MINDY4B: variants seen among roughly 807,000 people sequenced by gnomAD.
The protein encoded by MINDY4B is MINDY family member 4B, also known as inactive ubiquitin carboxyl-terminal hydrolase MINDY-4B.
In MINDY4B, 25 loss-of-function variants were observed where a neutral mutation model predicts 16.7. The ratio of observed to expected loss-of-function variants is 1.49; its 90% CI spans 1.09 to 2.09. The LOEUF (loss-of-function observed/expected upper bound fraction) is 2.09, where lower values mean the gene tolerates loss of function less well. MINDY4B is among the 30% of genes most tolerant of loss of function. MINDY4B has a pLI of 0.00. For missense variants in MINDY4B, 327 were observed against 168.4 expected (o/e 1.94, Z -5.21); for synonymous variants, 132 against 61.9 (o/e 2.13, Z -5.32).
Position 150,891,008 on chromosome 3 carries a change from A to G in MINDY4B, c.617T>C (p.Ile206Thr), listed in dbSNP as rs1171839463. ...WAAGAAQKAT[I>T]CLVTEDIYVA... Reference sequence around the variant, plus strand: ...GTAAATGTCCTCAGTGACAAGACAGATGGTGGCCTTCTGAGCTGCTCCTGC... The same window carrying G: ...GTAAATGTCCTCAGTGACAAGACAGGTGGTGGCCTTCTGAGCTGCTCCTGC... Residue 206 changes from isoleucine (I) to threonine (T), a missense_variant, in exon 6 of 12, where the codon ATC becomes ACC. By Grantham distance (89) the Ile-to-Thr change is moderately conservative. Coordinates refer to ENST00000465419, the MANE Select transcript of MINDY4B (RefSeq NM_001351281.2). 1 of 702,874 alleles carries G rather than the reference A, an allele frequency of 1.4e-6. No homozygotes were observed. Among genetic ancestry groups the G allele is most frequent in the Non-Finnish European group, 2.6e-6 (1 of 384,840 alleles). 43.5% of individuals were successfully genotyped at this position (702,874 alleles called of 1,614,324 possible). A position where few individuals can be genotyped will look rare whatever the true frequency, so the allele number is the denominator to read the frequency against.
At chr3:150,894,036 G>A (rs1467212334) in intron 4 of MINDY4B, 150 bp downstream of exon 4, 5 of 494,952 alleles carry the variant, frequency 1.0e-5, no homozygotes, top group Middle Eastern at 5.4e-4. Context: ...TAAATAGTCT[G>A]TTATCATTTA....
In MINDY4B at chr3:150,891,039, A is replaced by G; in HGVS notation, c.586T>C (p.Trp196Arg). 1.4e-6 allele frequency: 1 copy of G among 702,856 alleles called. No homozygotes were observed. 43.5% of individuals were successfully genotyped at this position (702,856 alleles called of 1,614,324 possible). Reference sequence around the variant, plus strand: ...GCCTTCTGAGCTGCTCCTGCAGCCCACAGGATGCCAGCAAGCGCCGCGGCC... The same window carrying G: ...GCCTTCTGAGCTGCTCCTGCAGCCCGCAGGATGCCAGCAAGCGCCGCGGCC... ...ALAAALAGIL[W>R]AAGAAQKATI... The change falls in exon 6 of 12, where the codon TGG becomes CGG. Residue 196 changes from tryptophan (W) to arginine (R), a missense_variant. By Grantham distance (101) the Trp-to-Arg change is moderately radical. Transcript: ENST00000465419.
chr3:150,896,284 T>C (rs1056806607), intron 3 of MINDY4B, among the ~76,000 whole-genome samples: 6 of 117,160 alleles, frequency 5.1e-5, no homozygotes, highest in Non-Finnish European at 1.0e-4. Context: ...TCTTATATCC[T>C]TTTTTGGATT....
At chr3:150,877,227 G>A (rs1711498098) in intron 10 of MINDY4B, among the ~76,000 whole-genome samples, 1 of 152,120 alleles carries the variant, frequency 6.6e-6, no homozygotes, top group South Asian at 2.1e-4. Context: ...CAGCACGTTG[G>A]TTTTCTTCTG....
chr3:150,901,268 G>A (rs1271516784), intron 3 of MINDY4B: 1 of 152,214 alleles, frequency 6.6e-6, no homozygotes, highest in Non-Finnish European at 1.5e-5. Flanking sequence ...GTAGGCAGCA[G>A]AATCACTGAG....
chr3:150,903,323 G>C lies in MINDY4B; in HGVS notation c.235C>G (p.Leu79Val), dbSNP rs1712159914. 1 of 398,526 alleles carries C rather than the reference G, an allele frequency of 2.5e-6. No homozygotes were observed. The highest frequency in any genetic ancestry group is 4.4e-5 in the Admixed American group (1 of 22,722). 24.7% of individuals were successfully genotyped at this position (398,526 alleles called of 1,614,324 possible). ...KGQGHLPSSG[L>V]CSIPNPSIIS... ...ATAGAGGGGTTGGGAATAGAACAAA[G>C]GCCACTTGATGGCAAATGTCCTTGT... Residue 79 changes from leucine (L) to valine (V), a missense_variant, in exon 3 of 12, where the codon CTT becomes GTT. Physicochemically the swap from Leu to Val is conservative, Grantham distance 32. Transcript: ENST00000465419.
Position 150,881,205 on chromosome 3 carries a change from A to G in MINDY4B, c.1059+1692T>C, listed in dbSNP as rs147045835. 3.9e-5 allele frequency among the ~76,000 whole-genome samples: 6 copies of G among 152,182 alleles called. No individual in the cohort carries two copies. In the East Asian group the frequency reaches 1.2e-3, roughly 30 times the overall value. ...TGAGACCAGCCTGGCCAAAATGGCG[A>G]AAATCCTATCTCTACTAAAAATACA... On this transcript the variant is annotated intron_variant, in intron 10 of 11. Coordinates refer to ENST00000465419, the MANE Select transcript of MINDY4B (RefSeq NM_001351281.2).
chr3:150,875,319 G>C (rs1202356155), intron 10 of MINDY4B, among the ~76,000 whole-genome samples: 1 of 152,186 alleles, frequency 6.6e-6, no homozygotes, highest in Non-Finnish European at 1.5e-5. Context: ...TATACAGGAA[G>C]TCATGGAATT....
intron 3 of MINDY4B, among the ~76,000 whole-genome samples, chr3:150,895,908 T>C (rs1376879768): frequency 6.6e-6 from 1 of 152,236 alleles, no homozygotes; most frequent in Non-Finnish European, 1.5e-5. Flanking sequence ...CTTGCAAGGC[T>C]GGGGAAGTTT....
intron 4 of MINDY4B, among the ~76,000 whole-genome samples, chr3:150,893,654 A>G (rs983054006): frequency 7.9e-6 from 1 of 126,928 alleles, no homozygotes; most frequent in Admixed American, 9.6e-5. Flanking sequence ...GGCTTCCTCC[A>G]TCTTGCCTTC....
At chr3:150,877,886 A>G (rs181790814) in intron 10 of MINDY4B, among the ~76,000 whole-genome samples, 8 of 152,182 alleles carry the variant, frequency 5.3e-5, no homozygotes, top group East Asian at 1.9e-4. Flanking sequence ...TGGCATTTCT[A>G]TATTTATCAC....
chr3:150,893,407 G>A lies in MINDY4B; in HGVS notation c.438C>T (p.Ala146=). ...CTTGCACAGCCATCTGAATGCTTCG[G>A]GCCCCTCCCTGAAATGAGGAGAATG... ...AFTLEVGKGG[A]RSIQMAVQGS... The change falls in exon 5 of 12, where the codon GCC becomes GCT. Residue 146 remains alanine, a synonymous_variant. Transcript: ENST00000465419. 1 of 702,726 alleles carries A rather than the reference G, an allele frequency of 1.4e-6. No individual in the cohort carries two copies. The highest frequency in any genetic ancestry group is 2.6e-6 in the Non-Finnish European group (1 of 384,826). The allele number at this position is 702,726 out of a possible 1,614,324, so 43.5% of individuals were successfully genotyped here.
At chr3:150,887,536 G>A (rs1047339400) in intron 7 of MINDY4B, among the ~76,000 whole-genome samples, 1 of 152,070 alleles carries the variant, frequency 6.6e-6, no homozygotes, top group Admixed American at 6.6e-5. Flanking sequence ...AGCTAATTGA[G>A]GACATTCAAG....
chr3:150,903,174 A>T, intron 3 of MINDY4B, 75 bp downstream of exon 3: 1 of 397,880 alleles, frequency 2.5e-6, no homozygotes, highest in Non-Finnish European at 4.4e-6. Context: ...ACATGGCAGG[A>T]GATAAGATTC....
At chr3:150,903,500 A>G (rs1712165382) in intron 2 of MINDY4B, 84 bp from the exon 3 acceptor site, 1 of 397,504 alleles carries the variant, frequency 2.5e-6, no homozygotes, top group Non-Finnish European at 4.4e-6. Flanking sequence ...TTCTCTCTGA[A>G]ATACCAGTGT....
Position 150,890,111 on chromosome 3 carries a change from G to A in MINDY4B, c.753+209C>T, listed in dbSNP as rs980183996. Among the ~76,000 whole-genome samples the A allele has an allele frequency of 3.3e-5, 5 of 152,264 alleles. No individual in the cohort carries two copies. The East Asian group carries it at 9.6e-4, about 29-fold the overall frequency. On this transcript the variant is annotated intron_variant, in intron 7 of 11. Transcript: ENST00000465419. ...ATTAACCAAAGAAAAAGATGCATTC[G>A]TGAGTGGGTCTGTGTGTGATCTGGC...
intron 7 of MINDY4B, among the ~76,000 whole-genome samples, chr3:150,887,662 G>A (rs1711661183): frequency 6.6e-6 from 1 of 152,206 alleles, no homozygotes; most frequent in East Asian, 1.9e-4. Context: ...TTTGTAAAAA[G>A]CAACACTGTA....
At chr3:150,876,696 A>G (rs1359676540) in intron 10 of MINDY4B, among the ~76,000 whole-genome samples, 1 of 152,200 alleles carries the variant, frequency 6.6e-6, no homozygotes, top group Non-Finnish European at 1.5e-5. Context: ...TAAAGGGGGA[A>G]GAAGGTATGA....
At chr3:150,874,516 T>G (rs910019856) in intron 10 of MINDY4B, among the ~76,000 whole-genome samples, 5 of 140,794 alleles carry the variant, frequency 3.6e-5, no homozygotes, top group Non-Finnish European at 7.6e-5. Flanking sequence ...AAAAATTTGT[T>G]AAATTTATTT....
Sources: allele counts gnomAD v4.1 joint callset (sites outside exome capture counted in the v4.1 genomes callset), GRCh38; gene constraint gnomAD v4.1.1; transcripts MANE v1.5; gene names NCBI Gene and HGNC (gene_info 2026-07-23, HGNC 2026-07-21).